The following TRPM6 variants were observed in gnomAD, a reference collection of about 807,000 sequenced individuals.
TRPM6 encodes channel kinase 2.
A neutral mutation model predicts 247.6 loss-of-function variants in TRPM6; 111 were observed. The ratio of observed to expected loss-of-function variants is 0.45; its 90% CI spans 0.38 to 0.52. The LOEUF (loss-of-function observed/expected upper bound fraction) is 0.52, where lower values mean the gene tolerates loss of function less well. Ranked by LOEUF, TRPM6 falls within the 20% of genes least tolerant of loss-of-function variation. The pLI, the probability that TRPM6 is intolerant of heterozygous loss-of-function variation, is 0.00. For synonymous variants in TRPM6, 892 were observed against 853.8 expected (o/e 1.04, Z -0.78); for missense variants, 2,126 against 2,421.5 (o/e 0.88, Z 2.56).
At chr9:74,801,169 C>T (rs1247918678) in intron 16 of TRPM6, among the ~76,000 whole-genome samples, 33 of 151,320 alleles carry the variant, frequency 2.2e-4, no homozygotes, top group Non-Finnish European at 1.0e-4. Flanking sequence ...AACTCCTAGC[C>T]TCAATCAATC....
rs780621661 is a variant in TRPM6 at position 74,885,506 on chromosome 9, T to G, written c.33+2318A>C. Reference sequence around the variant, plus strand: ...GTTTTTAGATATTAACCCTATGGAATTAATTGATTCTGAACAATGAGAACG... The same window carrying G: ...GTTTTTAGATATTAACCCTATGGAAGTAATTGATTCTGAACAATGAGAACG... On this transcript the variant is annotated intron_variant, in intron 1 of 38. Coordinates refer to ENST00000360774, the MANE Select transcript of TRPM6 (RefSeq NM_017662.5). Among the ~76,000 whole-genome samples, 118 of 152,320 alleles carry G rather than the reference T, an allele frequency of 7.7e-4. 1 individual carries two copies. The highest frequency in any genetic ancestry group is 7.5e-3 in the Admixed American group (115 of 15,296).
rs1305881244 is a variant in TRPM6, at chr9:74,725,226, C to A, written c.5936-480G>T. 2.0e-5 allele frequency among the ~76,000 whole-genome samples: 3 copies of A among 152,046 alleles called. No homozygotes were observed. The East Asian group carries it at 5.8e-4, about 29-fold the overall frequency. On this transcript the variant is annotated intron_variant, in intron 38 of 38. Coordinates refer to ENST00000360774, the MANE Select transcript of TRPM6 (RefSeq NM_017662.5). The stretch of plus-strand genomic sequence containing the variant: ...ATCCTATGCTTCCTAAGCCCTCCTT[C>A]CATTTGAAAAGAAAAAAGTTAAAAG...
At chr9:74,830,749 G>GTTTTTTTTTTT (rs71368685) in intron 6 of TRPM6, among the ~76,000 whole-genome samples, 1 of 87,262 alleles carries the variant, frequency 1.1e-5, no homozygotes. Flanking sequence ...GCTAATTTTT[G>GTTTTTTTTTTT]TTTTTTTTTT....
intron 7 of TRPM6, 68 bp downstream of exon 7, chr9:74,827,710 G>A: frequency 6.6e-7 from 1 of 1,513,404 alleles, no homozygotes; most frequent in East Asian, 2.3e-5. Flanking sequence ...CTGATGGTCA[G>A]GGAAGACCAT....
At chr9:74,828,014 A>G in intron 6 of TRPM6, 65 bp from the exon 7 acceptor site, 1 of 1,528,708 alleles carries the variant, frequency 6.5e-7, no homozygotes, top group East Asian at 2.3e-5. Flanking sequence ...CACCTGCTCC[A>G]AAGGCCTATC....
intron 27 of TRPM6, 119 bp from the exon 28 acceptor site, chr9:74,755,592 T>C: frequency 1.6e-6 from 2 of 1,285,742 alleles, no homozygotes; most frequent in Admixed American, 1.7e-5. Context: ...CATATGACAA[T>C]TGCCTGGGAA....
chr9:74,865,577 A>C (rs1375125306), intron 1 of TRPM6, among the ~76,000 whole-genome samples: 2 of 152,164 alleles, frequency 1.3e-5, no homozygotes, highest in African/African-American at 2.4e-5. Context: ...TTCCACCTAC[A>C]TGCACTCAAT....
intron 29 of TRPM6, 39 bp from the exon 30 acceptor site, chr9:74,750,761 A>G: frequency 6.3e-7 from 1 of 1,592,260 alleles, no homozygotes; most frequent in Non-Finnish European, 8.6e-7. Context: ...TGTGCTCAAC[A>G]TAGTCCCACC....
Position 74,848,713 on chromosome 9 carries a change from T to C in TRPM6, c.153-6370A>G, listed in dbSNP as rs116026923. On this transcript the variant is annotated intron_variant, in intron 3 of 38. Coordinates refer to ENST00000360774, the MANE Select transcript of TRPM6 (RefSeq NM_017662.5). ...CCGCCTGAAAGAGTCAATATTCTTC[T>C]TGACAGCTTTTCATTCTAAATTTCT... 6.6e-3 allele frequency among the ~76,000 whole-genome samples: 998 copies of C among 152,322 alleles called. 13 individuals carry two copies. Among genetic ancestry groups the C allele is most frequent in the African/African-American group, 0.023 (940 of 41,582 alleles).
In TRPM6 at chr9:74,747,182, A is replaced by G. The variant is rs189664129; in HGVS notation, c.5083+707T>C. On this transcript the variant is annotated intron_variant, in intron 31 of 38. Coordinates refer to ENST00000360774, the MANE Select transcript of TRPM6 (RefSeq NM_017662.5). ...AGATCAAATGTTAATTGCTCTTTCAATTAATTTGGAGGTGAAGGGTTGGAG... is the reference window on the plus strand; with the variant it reads ...AGATCAAATGTTAATTGCTCTTTCAGTTAATTTGGAGGTGAAGGGTTGGAG... Among the ~76,000 whole-genome samples, 206 of 152,342 alleles carry G rather than the reference A, an allele frequency of 1.4e-3. 1 individual carries two copies. The highest frequency in any genetic ancestry group is 3.9e-3 in the Admixed American group (60 of 15,300).
chr9:74,821,965 C>T (rs1829145362), intron 7 of TRPM6, 128 bp from the exon 8 acceptor site: 1 of 1,089,632 alleles, frequency 9.2e-7, no homozygotes, highest in Non-Finnish European at 1.4e-6. Context: ...GCCCCTCTCT[C>T]ATTTTACCCT....
chr9:74,743,371 T>C (rs1470198699), intron 32 of TRPM6, among the ~76,000 whole-genome samples: 1 of 152,236 alleles, frequency 6.6e-6, no homozygotes, highest in Admixed American at 6.5e-5. Flanking sequence ...TACTCATGTA[T>C]TGAGCTTTAG....
intron 38 of TRPM6, among the ~76,000 whole-genome samples, chr9:74,726,629 C>T (rs1825336285): frequency 6.6e-6 from 1 of 152,322 alleles, no homozygotes; most frequent in South Asian, 2.1e-4. Context: ...AGTTCTGTCT[C>T]AAGTCTCCCT....
chr9:74,825,510 T>G (rs1829303175), intron 7 of TRPM6, among the ~76,000 whole-genome samples: 1 of 151,924 alleles, frequency 6.6e-6, no homozygotes, highest in Non-Finnish European at 1.5e-5. Flanking sequence ...GGTGGCTTCT[T>G]GTTTTTGCTG....
chr9:74,884,079 G>A (rs186617311), intron 1 of TRPM6, among the ~76,000 whole-genome samples: 326 of 152,276 alleles, frequency 2.1e-3, no homozygotes, highest in African/African-American at 7.5e-3. Flanking sequence ...AACCTGGGAC[G>A]CAGAGGTTGT....
intron 35 of TRPM6, 63 bp downstream of exon 35, chr9:74,739,304 C>A: frequency 7.1e-7 from 1 of 1,399,708 alleles, no homozygotes; most frequent in Non-Finnish European, 1.0e-6. Context: ...GAGTAATGGG[C>A]TGAGAAGACG....
intron 5 of TRPM6, among the ~76,000 whole-genome samples, chr9:74,836,300 T>C (rs905901614): frequency 3.3e-5 from 5 of 152,174 alleles, no homozygotes; most frequent in African/African-American, 1.2e-4. Flanking sequence ...TTCCTATTCT[T>C]CCTATGTGTG....
chr9:74,784,916 A>G (rs1047887892), intron 21 of TRPM6, among the ~76,000 whole-genome samples: 2 of 152,160 alleles, frequency 1.3e-5, no homozygotes, highest in African/African-American at 4.8e-5. Context: ...GTTTGAGACC[A>G]GCCTGGGCAA....
In TRPM6 at chr9:74,786,109, G is replaced by A; in HGVS notation, c.2684C>T (p.Pro895Leu). The A allele has an allele frequency of 1.9e-6, 3 of 1,614,116 alleles. No individual in the cohort carries two copies. Among genetic ancestry groups the A allele is most frequent in the Non-Finnish European group, 2.5e-6 (3 of 1,180,000 alleles). Reference sequence around the variant, plus strand: ...CTTCACCTTTTGGGTAAACTTCCCAGGTTCTGAAATACAGATCTAAAAGAA... The same window carrying A: ...CTTCACCTTTTGGGTAAACTTCCCAAGTTCTGAAATACAGATCTAAAAGAA... Reference protein sequence around the residue: ...EVVREICISEPGKFTQKVKVW... With the variant: ...EVVREICISELGKFTQKVKVW... Residue 895 changes from proline (P) to leucine (L), a missense_variant, in exon 21 of 39, where the codon CCT (proline) becomes CTT (leucine). Coordinates refer to ENST00000360774, the MANE Select transcript of TRPM6 (RefSeq NM_017662.5).
Sources: gnomAD v4.1 joint callset for allele counts (sites outside exome capture counted in the v4.1 genomes callset) on GRCh38, gnomAD v4.1.1 for gene constraint, MANE v1.5 for transcripts, NCBI Gene and HGNC (gene_info 2026-07-23, HGNC 2026-07-21) for gene names.